PRDM13: variants seen among roughly 807,000 people sequenced by gnomAD.
PRDM13 encodes PR domain zinc finger protein 13.
Under a neutral mutation model 36.4 loss-of-function variants are expected in PRDM13, and 15 were observed. The observed-to-expected ratio is 0.41, with a 90% CI of 0.28 to 0.64. The LOEUF (loss-of-function observed/expected upper bound fraction) is 0.64, where lower values mean the gene tolerates loss of function less well. Among genes scored for constraint, PRDM13 ranks in the 30% least tolerant of loss-of-function variants. PRDM13 has a pLI of 0.29. For synonymous variants in PRDM13, 531 were observed against 467.7 expected (o/e 1.14, Z -1.75); for missense variants, 1,044 against 1,013.5 (o/e 1.03, Z -0.41).
At chr6:99,607,871 C>G (rs148025516) in intron 1 of PRDM13, among the ~76,000 whole-genome samples, 365 of 152,306 alleles carry the variant, frequency 2.4e-3, no homozygotes, top group Non-Finnish European at 3.9e-3. Flanking sequence ...GCGCCAGGGC[C>G]AAACCACTAG....
Position 99,613,637 on chromosome 6 carries a change from G to C in PRDM13, c.1002G>C (p.Arg334=). The C allele has an allele frequency of 7.0e-7, 1 of 1,438,296 alleles. No individual in the cohort carries two copies. Among genetic ancestry groups the C allele is most frequent in the Non-Finnish European group, 9.0e-7 (1 of 1,110,318 alleles). The allele number at this position is 1,438,296 out of a possible 1,614,324, so 89.1% of individuals were successfully genotyped here. The change falls in exon 4 of 4, where the codon CGG becomes CGC. Residue 334 remains arginine, a synonymous_variant. Coordinates refer to ENST00000369215, the MANE Select transcript of PRDM13 (RefSeq NM_021620.4). The surrounding 1 kb of genome is among the most constrained non-coding windows in gnomAD (Gnocchi z 6.1). ...LALGRLLGGG[R]ACGRPGSGEN... Reference sequence around the variant, plus strand: ...TGGGCAGGCTGCTGGGCGGGGGCCGGGCGTGCGGGCGCCCCGGGAGCGGGG... The same window carrying C: ...TGGGCAGGCTGCTGGGCGGGGGCCGCGCGTGCGGGCGCCCCGGGAGCGGGG...
Position 99,613,148 on chromosome 6 carries a change from G to A in PRDM13, c.513G>A (p.Leu171=), listed in dbSNP as rs772803159. The A allele has an allele frequency of 4.3e-6, 7 of 1,613,116 alleles. No homozygotes were observed. The highest frequency in any genetic ancestry group is 5.1e-6 in the Non-Finnish European group (6 of 1,179,960). ...GCGGCGGTGGAGGCGGCGCCTTCCT[G>A]CACCACGAACACGCGGCTCGCCAAG... The part of the protein sequence containing the change: ...VFSGGGGGAF[L]HHEHAARQGA... Residue 171 remains leucine, a synonymous_variant, in exon 4 of 4, where the codon CTG becomes CTA. Coordinates refer to ENST00000369215, the MANE Select transcript of PRDM13 (RefSeq NM_021620.4). The surrounding 1 kb of genome is among the most constrained non-coding windows in gnomAD (Gnocchi z 6.1).
Position 99,607,007 on chromosome 6 carries a change from G to A in PRDM13, c.-28G>A. On this transcript the variant is annotated 5_prime_UTR_variant, in exon 1 of 4. Coordinates refer to ENST00000369215, the MANE Select transcript of PRDM13 (RefSeq NM_021620.4). ...GCCCTTCCAAGGACCTGGAGCACCC[G>A]AGCGCCTGCCTGGTGGCGGCGGCAA... 6.3e-7 allele frequency: 1 copy of A among 1,594,732 alleles called. No individual in the cohort carries two copies. The highest frequency in any genetic ancestry group is 8.5e-7 in the Non-Finnish European group (1 of 1,170,528).
intron 3 of PRDM13, among the ~76,000 whole-genome samples, chr6:99,610,141 T>A (rs1770011410): frequency 6.6e-6 from 1 of 152,242 alleles, no homozygotes; most frequent in Non-Finnish European, 1.5e-5. Flanking sequence ...TCCCCTTGCC[T>A]ACTTAAGTTG....
rs750610159 is a variant in PRDM13 at position 99,613,206 on chromosome 6, T to G, written c.571T>G (p.Ser191Ala). The G allele has an allele frequency of 1.9e-6, 3 of 1,612,230 alleles. No homozygotes were observed. The highest frequency in any genetic ancestry group is 4.5e-5 in the East Asian group (2 of 44,858). The change falls in exon 4 of 4, where the codon TCC becomes GCC. Residue 191 changes from serine to alanine, a missense_variant. Physicochemically the swap from Ser to Ala is moderately conservative, Grantham distance 99. Around this residue, in one of 3 missense-constraint regions of PRDM13, gnomAD observed 921 missense variants for 865.2 expected, o/e 1.06. Transcript: ENST00000369215. This position sits in a 1 kb window ranked among gnomAD's most constrained non-coding sequence, Gnocchi z 6.1. ...CCCAGCGGCTGATGGCCTCGGTCTC[T>G]CCCCAAAACCCCCGGCGCCCGATTT... ...AVPAADGLGLSPKPPAPDFAA... is the reference protein window; with the variant it reads ...AVPAADGLGLAPKPPAPDFAA...
intron 3 of PRDM13, 82 bp downstream of exon 3, chr6:99,609,389 T>A: frequency 6.6e-7 from 1 of 1,520,744 alleles, no homozygotes; most frequent in Non-Finnish European, 9.0e-7. Context: ...CATAGCTCGA[T>A]CTATGTAAAA....
At position 99,613,758 on chromosome 6, in the gene PRDM13, C is replaced by A; in HGVS notation, c.1123C>A (p.Pro375Thr). Reference sequence around the variant, plus strand: ...CCTGCTCGCTGGGGACCCGCCGCCGCCGCCGCCGCCTGGCCTGCCCTGCTC... The same window carrying A: ...CCTGCTCGCTGGGGACCCGCCGCCGACGCCGCCGCCTGGCCTGCCCTGCTC... Reference protein sequence around the residue: ...KCLLAGDPPPPPPPGLPCSGA... With the variant: ...KCLLAGDPPPTPPPGLPCSGA... Residue 375 changes from proline (P) to threonine (T), a missense_variant, in exon 4 of 4, where the codon CCG becomes ACG. Physicochemically the swap from Pro to Thr is conservative, Grantham distance 38. Around this residue, in one of 3 missense-constraint regions of PRDM13, gnomAD observed 921 missense variants for 865.2 expected, o/e 1.06. Transcript: ENST00000369215. This position sits in a 1 kb window ranked among gnomAD's most constrained non-coding sequence, Gnocchi z 6.1. 1 of 1,494,848 alleles carries A rather than the reference C, an allele frequency of 6.7e-7. No individual in the cohort carries two copies. The highest frequency in any genetic ancestry group is 8.9e-7 in the Non-Finnish European group (1 of 1,129,356). The allele number at this position is 1,494,848 out of a possible 1,614,324, so 92.6% of individuals were successfully genotyped here. A position where few individuals can be genotyped will look rare whatever the true frequency, so the allele number is the denominator to read the frequency against.
chr6:99,614,190 G>T lies in PRDM13; in HGVS notation c.1555G>T (p.Asp519Tyr). 1 of 1,605,498 alleles carries T rather than the reference G, an allele frequency of 6.2e-7. No homozygotes were observed. The highest frequency in any genetic ancestry group is 8.5e-7 in the Non-Finnish European group (1 of 1,178,252). ...CGAGCTGGGGTCGCTGGCCAGCATC[G>T]ACCGAGAGATCGCCATGCACAATCA... ...PAELGSLASIDREIAMHNQQL... is the reference protein window; with the variant it reads ...PAELGSLASIYREIAMHNQQL... The change falls in exon 4 of 4, where the codon GAC becomes TAC. Residue 519 changes from aspartate to tyrosine, a missense_variant. This residue lies in a region of PRDM13 where 921 missense variants were observed against 865.2 expected (regional missense o/e 1.06). Coordinates refer to ENST00000369215, the MANE Select transcript of PRDM13 (RefSeq NM_021620.4).
At chr6:99,610,522 T>C (rs1770015872) in intron 3 of PRDM13, among the ~76,000 whole-genome samples, 1 of 152,258 alleles carries the variant, frequency 6.6e-6, no homozygotes, top group Non-Finnish European at 1.5e-5. Context: ...TACAAGTATG[T>C]GAATTAGGAA....
intron 3 of PRDM13, among the ~76,000 whole-genome samples, chr6:99,610,498 T>C (rs535608159): frequency 7.9e-5 from 12 of 152,322 alleles, no homozygotes; most frequent in African/African-American, 2.9e-4. Context: ...TAGAAATAGG[T>C]TTAGAGAAAT....
chr6:99,609,005 C>G, intron 2 of PRDM13, 133 bp downstream of exon 2: 1 of 1,410,156 alleles, frequency 7.1e-7, no homozygotes, highest in Non-Finnish European at 9.5e-7. Context: ...TCTCGACAAC[C>G]CTTTAAGGTA....
chr6:99,613,687 G>T lies in PRDM13; in HGVS notation c.1052G>T (p.Gly351Val). Residue 351 changes from glycine (G) to valine (V), a missense_variant, in exon 4 of 4, where the codon GGT becomes GTT. Physicochemically the swap from Gly to Val is moderately radical, Grantham distance 109. Around this residue, in one of 3 missense-constraint regions of PRDM13, gnomAD observed 921 missense variants for 865.2 expected, o/e 1.06. Transcript: ENST00000369215. This position sits in a 1 kb window ranked among gnomAD's most constrained non-coding sequence, Gnocchi z 6.1. ...SGENSAAGGA[G>V]HHHHHHAHHH... ...GAGAACTCGGCGGCGGGCGGCGCGG[G>T]TCACCACCATCACCACCACGCGCAC... 1 of 1,445,006 alleles carries T rather than the reference G, an allele frequency of 6.9e-7. No individual in the cohort carries two copies. The highest frequency in any genetic ancestry group is 1.5e-5 in the African/African-American group (1 of 66,638). 89.5% of individuals were successfully genotyped at this position (1,445,006 alleles called of 1,614,324 possible). A position where few individuals can be genotyped will look rare whatever the true frequency, so the allele number is the denominator to read the frequency against.
intron 3 of PRDM13, among the ~76,000 whole-genome samples, chr6:99,609,560 T>G (rs1357424144): frequency 6.6e-6 from 1 of 152,144 alleles, no homozygotes; most frequent in Non-Finnish European, 1.5e-5. Context: ...CTTTTTCTGT[T>G]GCATATTCAA....
chr6:99,609,652 G>T (rs559351006), intron 3 of PRDM13, among the ~76,000 whole-genome samples: 1 of 152,226 alleles, frequency 6.6e-6, no homozygotes, highest in Non-Finnish European at 1.5e-5. Context: ...TTGGGAGGCC[G>T]AGGTAGGAGG....
Position 99,608,821 on chromosome 6 carries a change from A to G in PRDM13, c.225A>G (p.Arg75=), listed in dbSNP as rs879797124. The G allele has an allele frequency of 6.2e-6, 10 of 1,613,806 alleles. No homozygotes were observed. Among genetic ancestry groups the G allele is most frequent in the Non-Finnish European group, 7.6e-6 (9 of 1,179,980 alleles). The change falls in exon 2 of 4, where the codon AGA becomes AGG. Residue 75 remains arginine (R), a synonymous_variant. Coordinates refer to ENST00000369215, the MANE Select transcript of PRDM13 (RefSeq NM_021620.4). The part of the protein sequence containing the change: ...LEWIGLIRAA[R]NSQEQTLEAI... ...GGATAGGGTTAATCCGGGCAGCCAG[A>G]AACTCCCAGGAACAGACTCTGGAAG...
intron 3 of PRDM13, 109 bp from the exon 4 acceptor site, chr6:99,612,924 C>T (rs770088656): frequency 3.9e-6 from 6 of 1,521,296 alleles, no homozygotes; most frequent in Non-Finnish European, 5.3e-6. Flanking sequence ...TCACCCTCTC[C>T]CCACACCGCT....
Position 99,609,225 on chromosome 6 carries a change from G to A in PRDM13, c.315G>A (p.Glu105=), listed in dbSNP as rs1336646877. ...YRALRDVQPG[E]ELTVWYSNSL... ...CATTGCGAGACGTCCAGCCAGGGGAGGAGCTGACAGTGTGGTATTCTAACT... is the reference window on the plus strand; with the variant it reads ...CATTGCGAGACGTCCAGCCAGGGGAAGAGCTGACAGTGTGGTATTCTAACT... The change falls in exon 3 of 4, where the codon GAG becomes GAA. Residue 105 remains glutamate (E), a synonymous_variant. Transcript: ENST00000369215. 1.2e-6 allele frequency: 2 copies of A among 1,613,462 alleles called. No homozygotes were observed. The highest frequency in any genetic ancestry group is 2.2e-5 in the South Asian group (2 of 91,046).
Position 99,613,294 on chromosome 6 carries a change from C to A in PRDM13, c.659C>A (p.Ala220Asp). The A allele has an allele frequency of 1.3e-6, 2 of 1,580,248 alleles. No individual in the cohort carries two copies. Among genetic ancestry groups the A allele is most frequent in the South Asian group, 1.1e-5 (1 of 87,432 alleles). The part of the protein sequence containing the change: ...PHPLGPPPVQ[A>D]CGAREGIKRE... ...CCCCTGGGCCCGCCACCAGTTCAGG[C>A]CTGCGGTGCGCGGGAGGGCATCAAG... The change falls in exon 4 of 4, where the codon GCC (alanine) becomes GAC (aspartate). Residue 220 changes from alanine (A) to aspartate (D), a missense_variant. Transcript: ENST00000369215. This position sits in a 1 kb window ranked among gnomAD's most constrained non-coding sequence, Gnocchi z 6.1.
At chr6:99,609,433 AG>A in intron 3 of PRDM13, 126 bp downstream of exon 3, 1 of 1,337,050 alleles carries the variant, frequency 7.5e-7, no homozygotes. Flanking sequence ...CAAGGCAAAG[AG>A]GAGAGAGGTC....
Sources: gnomAD v4.1 joint callset for allele counts (sites outside exome capture counted in the v4.1 genomes callset) on GRCh38, gnomAD v4.1.1 for gene constraint, gnomAD v4.1.1 regional missense constraint, Gnocchi (gnomAD v3.1) non-coding constraint, MANE v1.5 for transcripts, NCBI Gene and HGNC (gene_info 2026-07-23, HGNC 2026-07-21) for gene names.